MARCHF4: variants seen among roughly 807,000 people sequenced by gnomAD.
MARCHF4 encodes E3 ubiquitin-protein ligase MARCHF4.
In MARCHF4, 14 loss-of-function variants were observed where a neutral mutation model predicts 43.9. The ratio of observed to expected loss-of-function variants is 0.32; its 90% CI spans 0.21 to 0.50. The LOEUF (loss-of-function observed/expected upper bound fraction) is 0.50. MARCHF4 is among the 20% of genes least tolerant of loss of function. The pLI, the probability that MARCHF4 is intolerant of heterozygous loss-of-function variation, is 0.98. For missense variants in MARCHF4, 468 were observed against 536.7 expected, an observed-to-expected ratio of 0.87 and a Z score of 1.27; for synonymous variants, 226 against 213.3, an observed-to-expected ratio of 1.06 and a Z score of -0.52.
chr2:216,259,164 A>C lies in MARCHF4; in HGVS notation c.*148T>G. ...GCAGAACTGCTCCTGCACCAGCCTC[A>C]CTCCCGCTCTGACACTACCCCAGGG... On this transcript the variant is annotated 3_prime_UTR_variant, in exon 4 of 4. Transcript: ENST00000273067. 8.6e-7 allele frequency: 1 copy of C among 1,166,910 alleles called. No homozygotes were observed. The highest frequency in any genetic ancestry group is 1.2e-6 in the Non-Finnish European group (1 of 846,868). 72.3% of individuals were successfully genotyped at this position (1,166,910 alleles called of 1,614,324 possible).
Position 216,370,049 on chromosome 2 carries a change from G to T in MARCHF4, c.212C>A (p.Pro71His), listed in dbSNP as rs1204487954. The T allele has an allele frequency of 3.2e-6, 5 of 1,555,230 alleles. No homozygotes were observed. Among genetic ancestry groups the T allele is most frequent in the Non-Finnish European group, 4.4e-6 (5 of 1,148,408 alleles). Residue 71 changes from proline (P) to histidine (H), a missense_variant, in exon 1 of 4, where the codon CCC (proline) becomes CAC (histidine). Physicochemically the swap from Pro to His is moderately conservative, Grantham distance 77. Transcript: ENST00000273067. Reference sequence around the variant, plus strand: ...AAGGGTGTTGTTGGCCGCCAAACCGGGGGGCTGGGGGTCGCCGTGCATGGG... The same window carrying T: ...AAGGGTGTTGTTGGCCGCCAAACCGTGGGGCTGGGGGTCGCCGTGCATGGG... ...PLPMHGDPQP[P>H]GLAANNTLPA...
intron 1 of MARCHF4, among the ~76,000 whole-genome samples, chr2:216,295,134 C>A (rs946681958): frequency 1.3e-5 from 2 of 152,186 alleles, no homozygotes; most frequent in African/African-American, 4.8e-5. Flanking sequence ...CCGAGGCTGG[C>A]TGGGTTGAAT....
At chr2:216,277,610 A>G (rs1484393511) in intron 3 of MARCHF4, 62 bp downstream of exon 3, 11 of 1,489,300 alleles carry the variant, frequency 7.4e-6, no homozygotes, top group Admixed American at 1.9e-5. Flanking sequence ...ATCCTGAGGG[A>G]TCTGTCCATC....
At chr2:216,357,935 C>T (rs575303825) in intron 1 of MARCHF4, among the ~76,000 whole-genome samples, 1 of 152,272 alleles carries the variant, frequency 6.6e-6, no homozygotes, top group East Asian at 1.9e-4. Context: ...ATGGCAGCTC[C>T]TTCTGAGGTC....
At chr2:216,345,828 A>G (rs1692311186) in intron 1 of MARCHF4, among the ~76,000 whole-genome samples, 1 of 152,196 alleles carries the variant, frequency 6.6e-6, no homozygotes, top group Non-Finnish European at 1.5e-5. Flanking sequence ...CTTGTTCTCC[A>G]CTGAAGCCTG....
intron 1 of MARCHF4, among the ~76,000 whole-genome samples, chr2:216,313,742 A>G (rs1691727430): frequency 6.6e-6 from 1 of 151,946 alleles, no homozygotes; most frequent in Admixed American, 6.5e-5. Context: ...AAAGGAGCAT[A>G]GATTTTTTCA....
chr2:216,355,320 A>G (rs1014731615), intron 1 of MARCHF4, among the ~76,000 whole-genome samples: 1 of 152,086 alleles, frequency 6.6e-6, no homozygotes, highest in Non-Finnish European at 1.5e-5. Context: ...CAATATGGAA[A>G]CTTTCAAGCA....
rs564736279 is a variant in MARCHF4, at chr2:216,278,317, G to A, written c.673-453C>T. On this transcript the variant is annotated intron_variant, in intron 2 of 3. Coordinates refer to ENST00000273067, the MANE Select transcript of MARCHF4 (RefSeq NM_020814.3). ...CGGCTCATTGCAAGCTCCACCTCCCGGGTTCACACCATTCTCTTGCCTCAG... is the reference window on the plus strand; with the variant it reads ...CGGCTCATTGCAAGCTCCACCTCCCAGGTTCACACCATTCTCTTGCCTCAG... Among the ~76,000 whole-genome samples the A allele has an allele frequency of 3.3e-5, 5 of 152,244 alleles. No homozygotes were observed. The South Asian group carries it at 6.2e-4, about 19-fold the overall frequency.
intron 1 of MARCHF4, among the ~76,000 whole-genome samples, chr2:216,361,421 G>A (rs1692577055): frequency 6.6e-6 from 1 of 152,170 alleles, no homozygotes; most frequent in African/African-American, 2.4e-5. Context: ...ATCCCTTGCT[G>A]TTACATATTG....
intron 1 of MARCHF4, among the ~76,000 whole-genome samples, chr2:216,289,331 G>T (rs895685014): frequency 6.8e-6 from 1 of 146,610 alleles, no homozygotes; most frequent in Admixed American, 7.0e-5. Context: ...TGAAGATGCT[G>T]TATTAGCCAG....
At chr2:216,279,125 G>A (rs971229904) in intron 2 of MARCHF4, among the ~76,000 whole-genome samples, 2 of 152,236 alleles carry the variant, frequency 1.3e-5, no homozygotes, top group African/African-American at 4.8e-5. Context: ...GGCACAGTGA[G>A]AGCCGGTGAT....
intron 1 of MARCHF4, among the ~76,000 whole-genome samples, chr2:216,328,232 C>A (rs1462645371): frequency 1.3e-5 from 2 of 152,108 alleles, no homozygotes; most frequent in African/African-American, 4.8e-5. Flanking sequence ...TGCAATGGCG[C>A]GATCTTGGCT....
At chr2:216,285,430 T>C (rs445840) in intron 1 of MARCHF4, among the ~76,000 whole-genome samples, 85,517 of 152,042 alleles carry the variant, frequency 0.56, 24,160 homozygotes, top group South Asian at 0.65. Context: ...TGTTATAGCA[T>C]GCCCCCATTT....
At chr2:216,278,687 G>A (rs766752164) in intron 2 of MARCHF4, among the ~76,000 whole-genome samples, 1 of 152,116 alleles carries the variant, frequency 6.6e-6, no homozygotes, top group Non-Finnish European at 1.5e-5. Flanking sequence ...TTCACTAGAC[G>A]AGAGAATGAG....
chr2:216,308,955 G>A (rs547548289), intron 1 of MARCHF4, among the ~76,000 whole-genome samples: 60 of 152,264 alleles, frequency 3.9e-4, no homozygotes, highest in African/African-American at 1.4e-3. Flanking sequence ...TTTGCTCCTT[G>A]TGAACGGCAG....
intron 1 of MARCHF4, among the ~76,000 whole-genome samples, chr2:216,285,215 C>T (rs557634257): frequency 2.0e-4 from 31 of 152,212 alleles, no homozygotes; most frequent in African/African-American, 5.1e-4. Context: ...ATGCCCACTC[C>T]GTGAGAATGG....
intron 2 of MARCHF4, 85 bp downstream of exon 2, chr2:216,283,489 T>C: frequency 6.8e-7 from 1 of 1,468,032 alleles, no homozygotes; most frequent in Non-Finnish European, 9.2e-7. Flanking sequence ...CTGCCCTGAA[T>C]CTAAGGTGAA....
intron 1 of MARCHF4, among the ~76,000 whole-genome samples, chr2:216,285,848 G>C (rs1481132294): frequency 6.6e-6 from 1 of 152,190 alleles, no homozygotes; most frequent in Admixed American, 6.5e-5. Context: ...TTGATTAATC[G>C]GATTGTTAAG....
intron 1 of MARCHF4, among the ~76,000 whole-genome samples, chr2:216,350,936 G>A (rs148080015): frequency 1.1e-3 from 167 of 152,198 alleles, no homozygotes; most frequent in African/African-American, 3.9e-3. Context: ...TAATTAAACC[G>A]TAGAAAGAGC....
Sources: allele counts gnomAD v4.1 joint callset (sites outside exome capture counted in the v4.1 genomes callset), GRCh38; gene constraint gnomAD v4.1.1; transcripts MANE v1.5; gene names NCBI Gene and HGNC (gene_info 2026-07-23, HGNC 2026-07-21).